The following SPDYE12 variants were observed in gnomAD, a reference collection of about 807,000 sequenced individuals.
SPDYE12 encodes speedy protein E12.
the SPDYE12 span, among the ~76,000 whole-genome samples, chr7:74,912,770 C>CT: frequency 5.3e-3 from 59 of 11,230 alleles, 10 homozygotes; most frequent in Non-Finnish European, 6.4e-3. Flanking sequence ...TTTTTTTCTT[C>CT]TTTTTTTTTT....
chr7:74,908,661 C>CTTTTTTT, the SPDYE12 span, among the ~76,000 whole-genome samples: 34 of 58,604 alleles, frequency 5.8e-4, no homozygotes, highest in African/African-American at 6.7e-4. Context: ...GTTTTTTGTT[C>CTTTTTTT]TTTTTTTTTT....
At chr7:74,909,280 C>G in the SPDYE12 span, among the ~76,000 whole-genome samples, 1 of 151,142 alleles carries the variant, frequency 6.6e-6, no homozygotes, top group Admixed American at 6.6e-5. Context: ...TCTCAAACTC[C>G]TGACCTCAGG....
At chr7:74,910,789 T>G in the SPDYE12 span, 1 of 1,315,228 alleles carries the variant, frequency 7.6e-7, no homozygotes, top group Non-Finnish European at 1.1e-6. Flanking sequence ...GCCCTCCCCC[T>G]GGCCGTGCGT....
At chr7:74,909,813 C>T in the SPDYE12 span, among the ~76,000 whole-genome samples, 1,005 of 149,262 alleles carry the variant, frequency 6.7e-3, 8 homozygotes, top group African/African-American at 0.021. Context: ...GAAGGGTTTT[C>T]GGTGATGCTC....
At chr7:74,909,033 G>T in the SPDYE12 span, among the ~76,000 whole-genome samples, 1,941 of 31,318 alleles carry the variant, frequency 0.062, 59 homozygotes, top group East Asian at 0.23. Context: ...TTTTTGCCTG[G>T]TTTTTTTTTT....
chr7:74,907,690 C>G, the SPDYE12 span, among the ~76,000 whole-genome samples: 5 of 150,052 alleles, frequency 3.3e-5, no homozygotes, highest in South Asian at 1.1e-3. Flanking sequence ...AAGATTGGGC[C>G]CCTCCATTCC....
the SPDYE12 span, among the ~76,000 whole-genome samples, chr7:74,908,172 C>CAG: frequency 3.1e-5 from 4 of 128,372 alleles, no homozygotes; most frequent in African/African-American, 5.4e-5. Flanking sequence ...GCGGGACACC[C>CAG]AGACAGAAAA....
the SPDYE12 span, among the ~76,000 whole-genome samples, chr7:74,906,348 G>T: frequency 3.3e-5 from 3 of 89,788 alleles, no homozygotes; most frequent in Non-Finnish European, 6.7e-5. Flanking sequence ...TATTTTTGAG[G>T]CAGGGTCTCA....
the SPDYE12 span, among the ~76,000 whole-genome samples, chr7:74,912,872 C>T: frequency 8.3e-6 from 1 of 120,294 alleles, no homozygotes; most frequent in Non-Finnish European, 1.6e-5. Flanking sequence ...CGGCTCACTG[C>T]AACCTCTTCC....
chr7:74,909,388 T>C, the SPDYE12 span: 1 of 1,419,968 alleles, frequency 7.0e-7, no homozygotes, highest in African/African-American at 1.4e-5. Context: ...TCTAAGATAC[T>C]ATAATCCTGT....
the SPDYE12 span, among the ~76,000 whole-genome samples, chr7:74,908,532 G>C: frequency 7.9e-6 from 1 of 126,242 alleles, no homozygotes; most frequent in Non-Finnish European, 1.7e-5. Flanking sequence ...TGGCTTTTGC[G>C]GTTGATGTGG....
the SPDYE12 span, chr7:74,909,723 C>T: frequency 2.2e-3 from 3,035 of 1,391,836 alleles, 39 homozygotes; most frequent in Middle Eastern, 8.5e-3. Flanking sequence ...GGGACCTCAG[C>T]ATTGGGGTGA....
chr7:74,909,641 G>T, the SPDYE12 span: 26 of 1,499,076 alleles, frequency 1.7e-5, 1 homozygote, highest in Middle Eastern at 2.4e-4. Context: ...AGAGGGAGAG[G>T]TCACATCTTG....
the SPDYE12 span, among the ~76,000 whole-genome samples, chr7:74,914,878 G>A: frequency 0.063 from 6,744 of 107,746 alleles, no homozygotes; most frequent in African/African-American, 0.17. Flanking sequence ...AGCCAAGGTC[G>A]CACCATTGCA....
chr7:74,910,236 G>T, the SPDYE12 span, among the ~76,000 whole-genome samples: 1 of 144,974 alleles, frequency 6.9e-6, no homozygotes, highest in Non-Finnish European at 1.5e-5. Flanking sequence ...GTTGAGCATG[G>T]TAGCATGTGC....
chr7:74,908,126 C>G, the SPDYE12 span, among the ~76,000 whole-genome samples: 1 of 145,320 alleles, frequency 6.9e-6, no homozygotes, highest in African/African-American at 2.5e-5. Flanking sequence ...GAACCGACTT[C>G]AAGGAATGGG....
At chr7:74,914,932 A>AAAC in the SPDYE12 span, among the ~76,000 whole-genome samples, 1 of 142,652 alleles carries the variant, frequency 7.0e-6, no homozygotes, top group South Asian at 2.3e-4. Flanking sequence ...TCAAAAAAAA[A>AAAC]AAACAAAAAA....
At chr7:74,911,150 A>T in the SPDYE12 span, among the ~76,000 whole-genome samples, 1 of 56,916 alleles carries the variant, frequency 1.8e-5, no homozygotes, top group Admixed American at 2.3e-4. Context: ...ATCAGCCAGG[A>T]CCCCCTCCAG....
the SPDYE12 span, among the ~76,000 whole-genome samples, chr7:74,908,065 G>A: frequency 3.3e-5 from 5 of 150,718 alleles, no homozygotes; most frequent in African/African-American, 7.3e-5. Context: ...GGAGAGCTAC[G>A]GGCATGCAGA....
Sources: allele counts gnomAD v4.1 joint callset (sites outside exome capture counted in the v4.1 genomes callset), GRCh38; gene constraint gnomAD v4.1.1; transcripts MANE v1.5; gene names NCBI Gene and HGNC (gene_info 2026-07-23, HGNC 2026-07-21).